GNG7: variants seen among roughly 807,000 people sequenced by gnomAD.
The protein encoded by GNG7 is guanine nucleotide-binding protein G(I)/G(S)/G(O) subunit gamma-7.
GNG7 carries 1 observed loss-of-function variant against 4.0 expected under a neutral mutation model. That is an observed-to-expected ratio of 0.25 (90% confidence interval 0.09 to 1.18). GNG7 has a LOEUF of 1.18. GNG7 is among the 50% of genes most tolerant of loss of function. GNG7 has a pLI of 0.50. For missense variants in GNG7, 86 were observed against 91.9 expected (o/e 0.94, Z 0.26); for synonymous variants, 34 against 36.9 (o/e 0.92, Z 0.29).
chr19:2,581,047 G>A (rs1337013451), intron 2 of GNG7, among the ~76,000 whole-genome samples: 1 of 152,112 alleles, frequency 6.6e-6, no homozygotes, highest in East Asian at 1.9e-4. Flanking sequence ...TTACAGGCGT[G>A]GGCCACTGCG....
chr19:2,532,008 G>A lies in GNG7; in HGVS notation c.-37-11283C>T, dbSNP rs187677428. Among the ~76,000 whole-genome samples, 292 of 149,706 alleles carry A rather than the reference G, an allele frequency of 2.0e-3. 1 individual carries two copies. The highest frequency in any genetic ancestry group is 7.2e-3 in the Middle Eastern group (2 of 278). On this transcript the variant is annotated intron_variant, in intron 3 of 4. Coordinates refer to ENST00000382159, the MANE Select transcript of GNG7 (RefSeq NM_052847.3). ...CTACTAAAAACACAAAAAATTAGCC[G>A]GGCGCCATGGCAGGCGCCTCTAGTC...
chr19:2,640,897 G>T (rs1338624614), intron 2 of GNG7, among the ~76,000 whole-genome samples: 1 of 152,188 alleles, frequency 6.6e-6, no homozygotes, highest in African/African-American at 2.4e-5. Flanking sequence ...CCAAAGTGCT[G>T]CGATGACAGG....
At chr19:2,565,521 A>AC (rs1979877547) in intron 2 of GNG7, among the ~76,000 whole-genome samples, 1 of 144,704 alleles carries the variant, frequency 6.9e-6, no homozygotes, top group African/African-American at 2.5e-5. Context: ...CAAAAAAAAA[A>AC]AAACAAAAAC....
At chr19:2,525,165 A>G (rs1978352075) in intron 3 of GNG7, among the ~76,000 whole-genome samples, 1 of 151,802 alleles carries the variant, frequency 6.6e-6, no homozygotes, top group Non-Finnish European at 1.5e-5. Flanking sequence ...GGGCACCCCG[A>G]CCTGAATGAG....
intron 2 of GNG7, among the ~76,000 whole-genome samples, chr19:2,612,025 C>T (rs1400161322): frequency 6.6e-6 from 1 of 151,942 alleles, no homozygotes; most frequent in African/African-American, 2.4e-5. Context: ...CAGGCACCCG[C>T]CACCACGCCC....
intron 2 of GNG7, among the ~76,000 whole-genome samples, chr19:2,599,170 T>A (rs1490134598): frequency 1.3e-5 from 2 of 152,150 alleles, no homozygotes; most frequent in Non-Finnish European, 2.9e-5. Context: ...CACGTGGTGC[T>A]TTTTGAACTG....
At chr19:2,683,747 G>A (rs1185849141) in intron 1 of GNG7, 5 of 152,500 alleles carry the variant, frequency 3.3e-5, no homozygotes, top group Admixed American at 3.3e-4. Context: ...GAGGAGGAGG[G>A]AGGGAAATTA....
intron 3 of GNG7, among the ~76,000 whole-genome samples, chr19:2,535,877 G>A (rs1394597351): frequency 6.6e-6 from 1 of 152,134 alleles, no homozygotes; most frequent in Non-Finnish European, 1.5e-5. Context: ...TGGAATTCCA[G>A]TGCTTTGGGA....
intron 2 of GNG7, among the ~76,000 whole-genome samples, chr19:2,638,493 GGGAGGGGAAT>G (rs1982388267): frequency 3.4e-5 from 1 of 29,456 alleles, no homozygotes; most frequent in Non-Finnish European, 8.7e-5. Context: ...GGAAGGGGAG[GGGAGGGGAAT>G]GGAAGGGGAG....
At chr19:2,588,588 G>T (rs1229871457) in intron 2 of GNG7, among the ~76,000 whole-genome samples, 1 of 152,186 alleles carries the variant, frequency 6.6e-6, no homozygotes, top group African/African-American at 2.4e-5. Context: ...GTCAGTCAGG[G>T]GCCGTATTTC....
At chr19:2,572,150 T>C (rs1010694621) in intron 2 of GNG7, among the ~76,000 whole-genome samples, 5 of 151,746 alleles carry the variant, frequency 3.3e-5, no homozygotes, top group African/African-American at 1.2e-4. Context: ...GCCTGCCGAG[T>C]GGCTGGGACC....
intron 2 of GNG7, among the ~76,000 whole-genome samples, chr19:2,599,926 G>C (rs1002103677): frequency 6.8e-6 from 1 of 147,844 alleles, no homozygotes; most frequent in African/African-American, 2.5e-5. Flanking sequence ...AACAGAGCAA[G>C]ACTCCATCTC....
intron 2 of GNG7, among the ~76,000 whole-genome samples, chr19:2,563,727 C>G (rs1979817033): frequency 6.6e-6 from 1 of 152,074 alleles, no homozygotes; most frequent in African/African-American, 2.4e-5. Flanking sequence ...AGTGATCTGC[C>G]CACCTCGGCC....
chr19:2,647,738 C>T (rs1458936700), intron 1 of GNG7, among the ~76,000 whole-genome samples: 1 of 151,570 alleles, frequency 6.6e-6, no homozygotes. Context: ...AAAATAAATG[C>T]CACATGGGGC....
chr19:2,527,875 C>A (rs1433869139), intron 3 of GNG7, among the ~76,000 whole-genome samples: 1 of 151,942 alleles, frequency 6.6e-6, no homozygotes, highest in African/African-American at 2.4e-5. Flanking sequence ...TTATGGAACT[C>A]CCTTATCAGG....
chr19:2,555,775 G>T (rs1354593176), intron 2 of GNG7, among the ~76,000 whole-genome samples: 1 of 152,104 alleles, frequency 6.6e-6, no homozygotes, highest in Non-Finnish European at 1.5e-5. Context: ...CCCGGTGATT[G>T]GTCTCCGGGG....
intron 2 of GNG7, among the ~76,000 whole-genome samples, chr19:2,612,377 T>C (rs1305630670): frequency 6.6e-6 from 1 of 151,952 alleles, no homozygotes; most frequent in African/African-American, 2.4e-5. Context: ...GGGGGCAGCA[T>C]CACCCACATT....
intron 3 of GNG7, among the ~76,000 whole-genome samples, chr19:2,553,172 A>G (rs1979391587): frequency 1.3e-5 from 2 of 151,222 alleles, no homozygotes; most frequent in South Asian, 2.1e-4. Context: ...AACTACACGC[A>G]GAAACGAAAG....
intron 3 of GNG7, among the ~76,000 whole-genome samples, chr19:2,523,712 C>T (rs181142703): frequency 5.5e-4 from 84 of 152,210 alleles, no homozygotes; most frequent in African/African-American, 1.9e-3. Context: ...TGCGATCCTG[C>T]CCATAGCTTT....
Sources: gnomAD v4.1 joint callset for allele counts (sites outside exome capture counted in the v4.1 genomes callset) on GRCh38, gnomAD v4.1.1 for gene constraint, MANE v1.5 for transcripts, NCBI Gene and HGNC (gene_info 2026-07-23, HGNC 2026-07-21) for gene names.